TMEM131: variants seen among roughly 807,000 people sequenced by gnomAD.
TMEM131 encodes the protein 2610524E03Rik.
A neutral mutation model predicts 211.6 loss-of-function variants in TMEM131; 66 were observed. The observed-to-expected ratio is 0.31, with a 90% CI of 0.26 to 0.38. The LOEUF (loss-of-function observed/expected upper bound fraction) is 0.38. Among genes scored for constraint, TMEM131 ranks in the 10% least tolerant of loss-of-function variants. The probability of loss-of-function intolerance (pLI) is 1.00; values close to 1 mark genes in which losing one functional copy is unlikely to be tolerated. For missense variants in TMEM131, 2,036 were observed against 2,299.3 expected, an observed-to-expected ratio of 0.89 and a Z score of 2.34; for synonymous variants, 844 against 841.3, an observed-to-expected ratio of 1.00 and a Z score of -0.06.
At chr2:97,979,524 C>T (rs1375374790) in intron 1 of TMEM131, among the ~76,000 whole-genome samples, 5 of 152,218 alleles carry the variant, frequency 3.3e-5, no homozygotes. Context: ...ACCACTTCAC[C>T]TTGCACTTTA....
chr2:97,867,509 C>T (rs892172735), intron 4 of TMEM131, among the ~76,000 whole-genome samples: 2 of 152,096 alleles, frequency 1.3e-5, no homozygotes, highest in Non-Finnish European at 2.9e-5. Context: ...CCTAGTGATG[C>T]CCTGCTGTAC....
chr2:97,893,046 T>TA (rs1196001171), intron 3 of TMEM131, among the ~76,000 whole-genome samples: 2 of 152,100 alleles, frequency 1.3e-5, no homozygotes, highest in Non-Finnish European at 2.9e-5. Flanking sequence ...ATCCCTCCCC[T>TA]AGCCGCCCAA....
intron 3 of TMEM131, among the ~76,000 whole-genome samples, chr2:97,905,500 C>T (rs1676031761): frequency 6.6e-6 from 1 of 152,140 alleles, no homozygotes; most frequent in Non-Finnish European, 1.5e-5. Context: ...CTCACTTAGA[C>T]ATGTGTTAGA....
chr2:97,941,541 T>A (rs866881375), intron 1 of TMEM131, among the ~76,000 whole-genome samples: 1 of 152,162 alleles, frequency 6.6e-6, no homozygotes, highest in Non-Finnish European at 1.5e-5. Context: ...ACAGGCAACC[T>A]ACAGAATGGG....
chr2:97,950,984 C>G (rs992809053), intron 1 of TMEM131, among the ~76,000 whole-genome samples: 2 of 152,158 alleles, frequency 1.3e-5, no homozygotes, highest in Admixed American at 6.5e-5. Context: ...TCATTTCCTA[C>G]AGAACACATG....
chr2:97,948,604 C>T (rs1204011621), intron 1 of TMEM131, among the ~76,000 whole-genome samples: 1 of 151,828 alleles, frequency 6.6e-6, no homozygotes, highest in Non-Finnish European at 1.5e-5. Flanking sequence ...ACCCTGCTAA[C>T]GGGAATATAA....
intron 4 of TMEM131, among the ~76,000 whole-genome samples, chr2:97,861,994 T>C (rs1052472224): frequency 6.6e-6 from 1 of 152,164 alleles, no homozygotes; most frequent in African/African-American, 2.4e-5. Context: ...GGATGCTTTG[T>C]CATTCCACTC....
At chr2:97,830,783 CCTGT>C (rs1256007097) in intron 11 of TMEM131, among the ~76,000 whole-genome samples, 1 of 152,138 alleles carries the variant, frequency 6.6e-6, no homozygotes, top group Admixed American at 6.5e-5. Flanking sequence ...ACCTGCGCAT[CCTGT>C]CTGTTAGCAG....
At chr2:97,772,254 C>A (rs1679502486) in intron 33 of TMEM131, 43 bp downstream of exon 33, 5 of 1,574,650 alleles carry the variant, frequency 3.2e-6, no homozygotes, top group Non-Finnish European at 4.3e-6. Flanking sequence ...TCGCCAGCAA[C>A]TTCTTTATAG....
At position 97,927,500 on chromosome 2, in the gene TMEM131, C is replaced by T; in HGVS notation, c.188-13G>A. 6.5e-7 allele frequency: 1 copy of T among 1,548,030 alleles called. No homozygotes were observed. The highest frequency in any genetic ancestry group is 8.7e-7 in the Non-Finnish European group (1 of 1,150,736). Reference sequence around the variant, plus strand: ...GACTGAACGAATGCTGTGAAGAAAACAAAACATACCATCACTTACAGGAAC... The same window carrying T: ...GACTGAACGAATGCTGTGAAGAAAATAAAACATACCATCACTTACAGGAAC... On this transcript the variant is annotated splice_polypyrimidine_tract_variant and intron_variant, in intron 1 of 40. Coordinates refer to ENST00000186436, the MANE Select transcript of TMEM131 (RefSeq NM_015348.2).
Position 97,776,037 on chromosome 2 carries a change from G to A in TMEM131, c.4145-19C>T. 6.3e-7 allele frequency: 1 copy of A among 1,590,256 alleles called. No individual in the cohort carries two copies. Among genetic ancestry groups the A allele is most frequent in the Non-Finnish European group, 8.5e-7 (1 of 1,172,740 alleles). On this transcript the variant is annotated intron_variant, in intron 31 of 40. Transcript: ENST00000186436. ...CCTTTCCCTGAGGATAAAAATTAAAGTAAAAGAACTCTTGTTTTTGTTTCT... is the reference window on the plus strand; with the variant it reads ...CCTTTCCCTGAGGATAAAAATTAAAATAAAAGAACTCTTGTTTTTGTTTCT...
chr2:97,822,214 C>G (rs1020238334), intron 11 of TMEM131, among the ~76,000 whole-genome samples: 24 of 151,896 alleles, frequency 1.6e-4, no homozygotes, highest in African/African-American at 5.8e-4. Context: ...CCTTTAGGCA[C>G]CTGGACTCAC....
chr2:97,931,796 A>G (rs1677230399), intron 1 of TMEM131, among the ~76,000 whole-genome samples: 1 of 152,200 alleles, frequency 6.6e-6, no homozygotes, highest in Non-Finnish European at 1.5e-5. Flanking sequence ...GGGTCCCCAA[A>G]GCTGTGTTAC....
intron 3 of TMEM131, among the ~76,000 whole-genome samples, chr2:97,890,419 T>C (rs1305645138): frequency 6.6e-6 from 1 of 152,150 alleles, no homozygotes; most frequent in Non-Finnish European, 1.5e-5. Flanking sequence ...TGCTGATGGA[T>C]TGATTTTGAG....
At chr2:97,759,491 G>T in intron 39 of TMEM131, 161 bp downstream of exon 39, 1 of 625,742 alleles carries the variant, frequency 1.6e-6, no homozygotes, top group Non-Finnish European at 2.8e-6. Context: ...TGCTGGTGTG[G>T]ATGAGGGAGG....
chr2:97,831,701 G>A (rs1371830854), intron 11 of TMEM131, among the ~76,000 whole-genome samples: 2 of 109,570 alleles, frequency 1.8e-5, no homozygotes, highest in African/African-American at 3.7e-5. Context: ...AGACAGTCTC[G>A]GTCTGTTGCC....
intron 25 of TMEM131, among the ~76,000 whole-genome samples, chr2:97,799,934 A>T (rs1365354508): frequency 6.6e-6 from 1 of 152,216 alleles, no homozygotes; most frequent in Non-Finnish European, 1.5e-5. Context: ...GGAGCCAGCC[A>T]TTAAAGAGAG....
chr2:97,802,744 T>C lies in TMEM131; in HGVS notation c.2449A>G (p.Ile817Val). The C allele has an allele frequency of 6.3e-7, 1 of 1,575,134 alleles. No homozygotes were observed. Among genetic ancestry groups the C allele is most frequent in the Non-Finnish European group, 8.6e-7 (1 of 1,166,602 alleles). Residue 817 changes from isoleucine (I) to valine (V), a missense_variant, in exon 23 of 41, where the codon ATA (isoleucine) becomes GTA (valine). Physicochemically the swap from Ile to Val is conservative, Grantham distance 29. Coordinates refer to ENST00000186436, the MANE Select transcript of TMEM131 (RefSeq NM_015348.2). ...EVNTDLQKNI[I>V]SKITAELSWP... ...GAGAGCTCAGCAGTGATTTTTGATA[T>C]TATATTTTTTTGAAGGTCTGTATTT...
Position 97,994,709 on chromosome 2 carries a change from T to C in TMEM131, c.187+767A>G, listed in dbSNP as rs969521740. Among the ~76,000 whole-genome samples the C allele has an allele frequency of 2.0e-5, 3 of 151,716 alleles. No individual in the cohort carries two copies. The East Asian group carries it at 5.8e-4, about 29-fold the overall frequency. On this transcript the variant is annotated intron_variant, in intron 1 of 40. Transcript: ENST00000186436. Reference sequence around the variant, plus strand: ...TGTAGATGAAATTACACTGATTTGGTCTTCAAGATTACAAAATAATTTTTG... The same window carrying C: ...TGTAGATGAAATTACACTGATTTGGCCTTCAAGATTACAAAATAATTTTTG...
Sources: gnomAD v4.1 joint callset for allele counts (sites outside exome capture counted in the v4.1 genomes callset) on GRCh38, gnomAD v4.1.1 for gene constraint, MANE v1.5 for transcripts, NCBI Gene and HGNC (gene_info 2026-07-23, HGNC 2026-07-21) for gene names.